The following ITGA2 variants were observed in gnomAD, a reference collection of about 807,000 sequenced individuals.
ITGA2 encodes integrin alpha-2.
Under a neutral mutation model 146.3 loss-of-function variants are expected in ITGA2, and 101 were observed. That is an observed-to-expected ratio of 0.69 (90% CI 0.59 to 0.81). The LOEUF is 0.81. ITGA2 is among the 40% of genes least tolerant of loss of function. The probability of loss-of-function intolerance (pLI) is 0.00; values close to 1 mark genes in which losing one functional copy is unlikely to be tolerated. For synonymous variants in ITGA2, 477 were observed against 487.1 expected, an observed-to-expected ratio of 0.98 and a Z score of 0.27; for missense variants, 1,281 against 1,402.7, an observed-to-expected ratio of 0.91 and a Z score of 1.39.
At chr5:53,025,081 G>A (rs566865404) in intron 1 of ITGA2, among the ~76,000 whole-genome samples, 3 of 152,218 alleles carry the variant, frequency 2.0e-5, no homozygotes, top group South Asian at 2.1e-4. Flanking sequence ...GTACAGTCAC[G>A]TGTCCTTTCC....
In ITGA2 at chr5:53,073,201, A is replaced by G; in HGVS notation, c.2513A>G (p.Asn838Ser). 6.2e-7 allele frequency: 1 copy of G among 1,612,636 alleles called. No individual in the cohort carries two copies. Among genetic ancestry groups the G allele is most frequent in the Non-Finnish European group, 8.5e-7 (1 of 1,178,986 alleles). The stretch of plus-strand genomic sequence containing the variant: ...AAAAATAAAAGGGAAAGTGCATACA[A>G]CACTGGAATTGTTGTTGATTTTTCA... ...TLKNKRESAY[N>S]TGIVVDFSEN... Residue 838 changes from asparagine (N) to serine (S), a missense_variant, in exon 20 of 30, where the codon AAC becomes AGC. This residue lies in a region of ITGA2 where 475 missense variants were observed against 530.5 expected (regional missense o/e 0.90). Transcript: ENST00000296585.
chr5:53,033,019 G>C (rs947614809), intron 2 of ITGA2, among the ~76,000 whole-genome samples: 22 of 152,124 alleles, frequency 1.4e-4, no homozygotes, highest in African/African-American at 4.8e-4. Context: ...TGTAATTCCA[G>C]CACTTTGGGA....
At chr5:53,014,147 C>G (rs3212406) in intron 1 of ITGA2, among the ~76,000 whole-genome samples, 1,804 of 152,108 alleles carry the variant, frequency 0.012, 35 homozygotes, top group African/African-American at 0.037. Flanking sequence ...ATAAATAGGA[C>G]TGGTGAGGGT....
Position 53,081,775 on chromosome 5 carries a change from A to G in ITGA2, c.3144+79A>G, listed in dbSNP as rs143860736. 18 of 938,368 alleles carry G rather than the reference A, an allele frequency of 1.9e-5. No homozygotes were observed. The African/African-American group carries it at 2.0e-4, about 10-fold the overall frequency. The allele number at this position is 938,368 out of a possible 1,614,324, so 58.1% of individuals were successfully genotyped here. Reference sequence around the variant, plus strand: ...ATCAGGACGCTGCTTTTCTCCTACCAGCTGATATCATAGAGCTTTCTTATT... The same window carrying G: ...ATCAGGACGCTGCTTTTCTCCTACCGGCTGATATCATAGAGCTTTCTTATT... On this transcript the variant is annotated intron_variant, in intron 26 of 29. Transcript: ENST00000296585.
chr5:53,038,938 C>T (rs1276067565), intron 2 of ITGA2, among the ~76,000 whole-genome samples: 1 of 152,002 alleles, frequency 6.6e-6, no homozygotes, highest in Admixed American at 6.6e-5. Flanking sequence ...TAAAAAAGTG[C>T]AAAAGATAGC....
At chr5:53,037,672 T>A (rs1743554957) in intron 2 of ITGA2, among the ~76,000 whole-genome samples, 1 of 152,204 alleles carries the variant, frequency 6.6e-6, no homozygotes, top group South Asian at 2.1e-4. Flanking sequence ...GAGAGTCTGC[T>A]GGAAATGTTT....
Position 53,028,655 on chromosome 5 carries a change from C to T in ITGA2, c.185+1787C>T, listed in dbSNP as rs150086051. Among the ~76,000 whole-genome samples the T allele has an allele frequency of 8.4e-3, 1,278 of 152,282 alleles. 10 individuals are homozygous for T. Among genetic ancestry groups the T allele is most frequent in the Non-Finnish European group, 0.013 (879 of 68,018 alleles). ...ATATTAAACAATTCATTCAACATCT[C>T]CACTTTAATGCCCAGTAGACATACC... On this transcript the variant is annotated intron_variant, in intron 2 of 29. Transcript: ENST00000296585.
chr5:52,990,691 G>T (rs1282167299), intron 1 of ITGA2, among the ~76,000 whole-genome samples: 1 of 151,580 alleles, frequency 6.6e-6, no homozygotes, highest in East Asian at 1.9e-4. Context: ...CGTCAACCTG[G>T]TGGCATTTTC....
At chr5:53,068,850 A>G (rs751193274) in intron 16 of ITGA2, among the ~76,000 whole-genome samples, 1 of 151,482 alleles carries the variant, frequency 6.6e-6, no homozygotes, top group East Asian at 1.9e-4. Context: ...GAAGCGATGT[A>G]TCATTTTTAT....
intron 1 of ITGA2, among the ~76,000 whole-genome samples, chr5:53,013,238 T>C (rs957560233): frequency 6.6e-6 from 1 of 152,280 alleles, no homozygotes; most frequent in Middle Eastern, 3.4e-3. Context: ...AGGTTTTGCA[T>C]TTAAGTCCTT....
rs1744828147 is a variant in ITGA2, at chr5:53,060,030, T to C, written c.1312+18T>C. On this transcript the variant is annotated intron_variant, in intron 11 of 29. Coordinates refer to ENST00000296585, the MANE Select transcript of ITGA2 (RefSeq NM_002203.4). ...ATATTTAGGTAAGGCATGGTAATAATTGGCTCAGCAAACTTAAGTTCCCTT... is the reference window on the plus strand; with the variant it reads ...ATATTTAGGTAAGGCATGGTAATAACTGGCTCAGCAAACTTAAGTTCCCTT... 1.2e-6 allele frequency: 2 copies of C among 1,611,506 alleles called. No individual in the cohort carries two copies.
intron 1 of ITGA2, among the ~76,000 whole-genome samples, chr5:53,008,279 T>A (rs1039878770): frequency 2.0e-5 from 3 of 150,068 alleles, no homozygotes; most frequent in African/African-American, 7.4e-5. Flanking sequence ...CCTATGTGGG[T>A]ACTGAGAGAG....
At chr5:52,989,920 C>A (rs1486401847) in intron 1 of ITGA2, among the ~76,000 whole-genome samples, 1 of 151,624 alleles carries the variant, frequency 6.6e-6, no homozygotes, top group African/African-American at 2.4e-5. Context: ...CCCAACTTCC[C>A]CTGGCTCAGA....
chr5:53,090,837 A>G lies in ITGA2; in HGVS notation c.*238A>G. On this transcript the variant is annotated 3_prime_UTR_variant, in exon 30 of 30. Transcript: ENST00000296585. ...AATACCTATTTTATATGATGGGGGA[A>G]AAAAAGTAATCTTTAAACTGGCTGG... is the stretch of plus-strand genomic sequence containing the variant. 1.7e-6 allele frequency: 1 copy of G among 602,088 alleles called. No individual in the cohort carries two copies. The allele number at this position is 602,088 out of a possible 1,614,324, so 37.3% of individuals were successfully genotyped here. A position where few individuals can be genotyped will look rare whatever the true frequency, so the allele number is the denominator to read the frequency against.
intron 27 of ITGA2, among the ~76,000 whole-genome samples, chr5:53,086,300 C>A (rs1042303775): frequency 6.6e-6 from 1 of 152,138 alleles, no homozygotes; most frequent in Non-Finnish European, 1.5e-5. Flanking sequence ...ATAAAATATC[C>A]TTCCTATATA....
intron 15 of ITGA2, among the ~76,000 whole-genome samples, chr5:53,066,511 T>C (rs533525927): frequency 1.5e-3 from 233 of 151,932 alleles, no homozygotes; most frequent in Non-Finnish European, 2.7e-3. Flanking sequence ...CAAAAATAAG[T>C]ATATTGGGCC....
chr5:53,010,164 T>C (rs1327097767), intron 1 of ITGA2, among the ~76,000 whole-genome samples: 5 of 152,096 alleles, frequency 3.3e-5, no homozygotes, highest in Admixed American at 3.3e-4. Context: ...AGCTCTTTTG[T>C]TTAGTGGCAT....
At chr5:53,075,035 C>T (rs1210919500) in intron 21 of ITGA2, 26 bp from the exon 22 acceptor site, 2 of 1,507,714 alleles carry the variant, frequency 1.3e-6, no homozygotes, top group Non-Finnish European at 1.8e-6. Flanking sequence ...GCATCATAGA[C>T]TGAGAAATTT....
rs1407743744 is a variant in ITGA2 at position 52,989,450 on chromosome 5, T to A, written c.-19T>A. ...CTCTGCAAACCCAGCGCAACTACGG[T>A]CCCCCGGTCAGACCCAGGATGGGGC... On this transcript the variant is annotated 5_prime_UTR_variant, in exon 1 of 30. Transcript: ENST00000296585. 6 of 1,613,522 alleles carry A rather than the reference T, an allele frequency of 3.7e-6. No homozygotes were observed. Among genetic ancestry groups the A allele is most frequent in the Non-Finnish European group, 5.1e-6 (6 of 1,179,600 alleles).
Sources: gnomAD v4.1 joint callset for allele counts (sites outside exome capture counted in the v4.1 genomes callset) on GRCh38, gnomAD v4.1.1 for gene constraint, gnomAD v4.1.1 regional missense constraint, MANE v1.5 for transcripts, NCBI Gene and HGNC (gene_info 2026-07-23, HGNC 2026-07-21) for gene names.